AGR3: variants seen among roughly 807,000 people sequenced by gnomAD.
The protein encoded by AGR3 is anterior gradient 3, protein disulphide isomerase family member, also known as anterior gradient protein 3.
AGR3 carries 37 observed loss-of-function variants against 24.5 expected under a neutral mutation model. The ratio of observed to expected loss-of-function variants is 1.51; its 90% CI spans 1.16 to 1.99. The LOEUF (loss-of-function observed/expected upper bound fraction) is 1.99, where lower values mean the gene tolerates loss of function less well. AGR3 is among the 30% of genes most tolerant of loss of function. The pLI is 0.00. For missense variants in AGR3, 228 were observed against 191.1 expected (o/e 1.19, Z -1.14); for synonymous variants, 75 against 61.6 (o/e 1.22, Z -1.02).
intron 3 of AGR3, among the ~76,000 whole-genome samples, chr7:16,871,810 C>A (rs967893895): frequency 6.6e-6 from 1 of 152,076 alleles, no homozygotes; most frequent in South Asian, 2.1e-4. Context: ...CCACTGTACT[C>A]CAGCCTGGTG....
At chr7:16,879,619 A>G (rs544288744) in intron 1 of AGR3, among the ~76,000 whole-genome samples, 6 of 152,338 alleles carry the variant, frequency 3.9e-5, no homozygotes, top group East Asian at 3.9e-4. Context: ...CGTCTTTCCT[A>G]TTGGCTTACA....
chr7:16,877,799 C>T (rs1468533931), intron 2 of AGR3, among the ~76,000 whole-genome samples: 1 of 148,204 alleles, frequency 6.7e-6, no homozygotes, highest in East Asian at 2.0e-4. Context: ...GGAGGCAGAG[C>T]TTGCAGTGAG....
intron 3 of AGR3, among the ~76,000 whole-genome samples, chr7:16,871,233 T>G (rs1781857997): frequency 6.6e-6 from 1 of 152,230 alleles, no homozygotes; most frequent in Non-Finnish European, 1.5e-5. Flanking sequence ...AATACTGCTT[T>G]GTTTATACAA....
chr7:16,864,798 A>C (rs1781721730), intron 3 of AGR3: 2 of 956,192 alleles, frequency 2.1e-6, no homozygotes, highest in Non-Finnish European at 3.5e-6. Context: ...CTTTGTTGGA[A>C]TGTATCACAC....
chr7:16,866,776 T>C (rs2115304788), intron 3 of AGR3, among the ~76,000 whole-genome samples: 1 of 152,324 alleles, frequency 6.6e-6, no homozygotes. Flanking sequence ...TCTGTTGACT[T>C]GTTGACCTTT....
rs984704004 is a variant in AGR3 at position 16,866,278 on chromosome 7, A to G, written c.174-3616T>C. ...ATCCAGTCTGTTACCTTTGTGGAAGATATCTTTGGTCTAAGAAAAGTTTTT... is the reference window on the plus strand; with the variant it reads ...ATCCAGTCTGTTACCTTTGTGGAAGGTATCTTTGGTCTAAGAAAAGTTTTT... On this transcript the variant is annotated intron_variant, in intron 3 of 7. Coordinates refer to ENST00000310398, the MANE Select transcript of AGR3 (RefSeq NM_176813.5). The G allele has an allele frequency of 7.2e-6, 4 of 554,818 alleles. No individual in the cohort carries two copies. The African/African-American group carries it at 7.4e-5, about 10-fold the overall frequency. The allele number at this position is 554,818 out of a possible 1,614,324, so 34.4% of individuals were successfully genotyped here.
At chr7:16,859,344 C>G, downstream of AGR3, 1 of 402,042 alleles carries the variant, frequency 2.5e-6, no homozygotes, top group Middle Eastern at 7.2e-4. Flanking sequence ...GTCTTCTTGT[C>G]TCCACTATAA....
chr7:16,859,342 G>T (rs1756343788), downstream of AGR3: 1 of 397,836 alleles, frequency 2.5e-6, no homozygotes, highest in Non-Finnish European at 4.5e-6. Context: ...AGGTCTTCTT[G>T]TCTCCACTAT....
chr7:16,864,725 A>C, intron 3 of AGR3: 1 of 1,489,234 alleles, frequency 6.7e-7, no homozygotes, highest in Non-Finnish European at 9.4e-7. Context: ...ATTAGAAACC[A>C]CTGCGGTGTG....
chr7:16,862,827 C>T (rs1352703163), intron 3 of AGR3, among the ~76,000 whole-genome samples, 165 bp from the exon 4 acceptor site: 1 of 152,098 alleles, frequency 6.6e-6, no homozygotes, highest in Non-Finnish European at 1.5e-5. Flanking sequence ...CTATTTGTGG[C>T]CTCAGAACTG....
rs1032417245 is a variant in AGR3, at chr7:16,877,659, C to T, written c.109+851G>A. 4.6e-5 allele frequency among the ~76,000 whole-genome samples: 7 copies of T among 151,722 alleles called. No homozygotes were observed. The East Asian group carries it at 7.7e-4, about 17-fold the overall frequency. On this transcript the variant is annotated intron_variant, in intron 2 of 7. Transcript: ENST00000310398. ...CGGGCGGATCACAAGGTCAGGAGAT[C>T]GAGACCATCCTGGCTAACACGGTGA...
In AGR3 at chr7:16,878,486, G is replaced by A. The variant is rs750961532; in HGVS notation, c.109+24C>T. On this transcript the variant is annotated intron_variant, in intron 2 of 7. Coordinates refer to ENST00000310398, the MANE Select transcript of AGR3 (RefSeq NM_176813.5). ...AAAGCAATCCAAATGACTGAGTTTAGAAAATAAAATGAGATTACAGCACCT... is the reference window on the plus strand; with the variant it reads ...AAAGCAATCCAAATGACTGAGTTTAAAAAATAAAATGAGATTACAGCACCT... 2.5e-6 allele frequency: 4 copies of A among 1,590,276 alleles called. No homozygotes were observed. The African/African-American group carries it at 5.4e-5, about 21-fold the overall frequency.
intron 1 of AGR3, among the ~76,000 whole-genome samples, chr7:16,880,539 C>CCTTTT (rs1782097191): frequency 9.4e-6 from 1 of 105,840 alleles, no homozygotes; most frequent in East Asian, 3.2e-4. Context: ...CCCCTCCCCT[C>CCTTTT]CCCTCCTCTC....
chr7:16,870,549 G>T (rs6461285), intron 3 of AGR3, among the ~76,000 whole-genome samples: 141,405 of 152,098 alleles, frequency 0.93, 66,315 homozygotes, highest in Non-Finnish European at 1. Flanking sequence ...TGCTGTTGTT[G>T]GGATTAATTT....
chr7:16,864,398 G>T, intron 3 of AGR3: 1 of 1,297,522 alleles, frequency 7.7e-7, no homozygotes, highest in Non-Finnish European at 1.1e-6. Context: ...CAGGTTTCCA[G>T]CTCTGTGTCC....
At chr7:16,862,495 A>G (rs140516173) in intron 4 of AGR3, 115 bp downstream of exon 4, 2 of 551,378 alleles carry the variant, frequency 3.6e-6, no homozygotes, top group African/African-American at 2.0e-5. Context: ...GCAGTTGTCT[A>G]TTTTTTTTAA....
At chr7:16,861,335 T>C in intron 6 of AGR3, 49 bp downstream of exon 6, 1 of 1,393,550 alleles carries the variant, frequency 7.2e-7, no homozygotes, top group Non-Finnish European at 9.7e-7. Flanking sequence ...GCAAGAATGC[T>C]GATTTCTACT....
chr7:16,879,859 A>G (rs1782068498), intron 1 of AGR3, among the ~76,000 whole-genome samples: 1 of 152,180 alleles, frequency 6.6e-6, no homozygotes, highest in African/African-American at 2.4e-5. Context: ...CGTGGAGGAG[A>G]ACAACAATTT....
chr7:16,865,687 GT>G, intron 3 of AGR3: 1 of 796,142 alleles, frequency 1.3e-6, no homozygotes, highest in Non-Finnish European at 2.3e-6. Context: ...TTTGTAACTT[GT>G]TATACTTTGT....
Sources: gnomAD v4.1 joint callset for allele counts (sites outside exome capture counted in the v4.1 genomes callset) on GRCh38, gnomAD v4.1.1 for gene constraint, MANE v1.5 for transcripts, NCBI Gene and HGNC (gene_info 2026-07-23, HGNC 2026-07-21) for gene names.